The following RICTOR variants were observed in gnomAD, a reference collection of about 807,000 sequenced individuals.
RICTOR encodes rapamycin-insensitive companion of mTOR.
RICTOR carries 49 observed loss-of-function variants against 214.9 expected under a neutral mutation model. The observed-to-expected ratio is 0.23, with a 90% CI of 0.18 to 0.29. The LOEUF (loss-of-function observed/expected upper bound fraction) is 0.29, where lower values mean the gene tolerates loss of function less well. Ranked by LOEUF, RICTOR falls within the 10% of genes least tolerant of loss-of-function variation. The pLI, the probability that RICTOR is intolerant of heterozygous loss-of-function variation, is 1.00. For synonymous variants in RICTOR, 717 were observed against 711.3 expected, an observed-to-expected ratio of 1.01 and a Z score of -0.13; for missense variants, 1,625 against 2,047.0, an observed-to-expected ratio of 0.79 and a Z score of 3.98.
chr5:39,020,384 T>C (rs186035709), intron 3 of RICTOR, among the ~76,000 whole-genome samples: 1 of 152,300 alleles, frequency 6.6e-6, no homozygotes, highest in Non-Finnish European at 1.5e-5. Flanking sequence ...AAGAAATCGC[T>C]ACAGTCACCT....
At chr5:38,991,186 G>T in intron 6 of RICTOR, 111 bp from the exon 7 acceptor site, 1 of 545,452 alleles carries the variant, frequency 1.8e-6, no homozygotes, top group Non-Finnish European at 3.0e-6. Context: ...ATAAGATCTA[G>T]GTATCAATTT....
intron 5 of RICTOR, among the ~76,000 whole-genome samples, chr5:38,998,190 C>G (rs1753318553): frequency 6.6e-6 from 1 of 152,178 alleles, no homozygotes; most frequent in Non-Finnish European, 1.5e-5. Flanking sequence ...AACCAACATA[C>G]TAGAATAAAA....
At chr5:39,047,582 C>T (rs1032693504) in intron 2 of RICTOR, among the ~76,000 whole-genome samples, 1 of 152,142 alleles carries the variant, frequency 6.6e-6, no homozygotes, top group African/African-American at 2.4e-5. Flanking sequence ...TGTTTTTATA[C>T]AAAATTAGTG....
At chr5:39,056,269 T>A (rs1163604470) in intron 2 of RICTOR, among the ~76,000 whole-genome samples, 1 of 152,156 alleles carries the variant, frequency 6.6e-6, no homozygotes, top group Non-Finnish European at 1.5e-5. Context: ...ACTTGTCTCC[T>A]CACAAAACTT....
At chr5:38,947,519 C>A in intron 31 of RICTOR, 78 bp from the exon 32 acceptor site, 1 of 1,043,068 alleles carries the variant, frequency 9.6e-7, no homozygotes. Flanking sequence ...AACATATATT[C>A]CTACCTTCAT....
intron 16 of RICTOR, among the ~76,000 whole-genome samples, chr5:38,964,338 A>C (rs1750037906): frequency 6.6e-6 from 1 of 151,874 alleles, no homozygotes; most frequent in East Asian, 1.9e-4. Context: ...TATCTCCTTT[A>C]GTAGCAGGAG....
At chr5:39,045,904 C>T (rs1403210229) in intron 2 of RICTOR, among the ~76,000 whole-genome samples, 1 of 151,902 alleles carries the variant, frequency 6.6e-6, no homozygotes, top group Non-Finnish European at 1.5e-5. Flanking sequence ...TATGTTGTTA[C>T]CGTATTATTT....
rs1169014837 is a variant in RICTOR, at chr5:38,952,428, G to A, written c.2898-3C>T. On this transcript the variant is annotated splice_region_variant and splice_polypyrimidine_tract_variant and intron_variant, in intron 29 of 37. Transcript: ENST00000357387. ...GCCCAAGTACATATACACAGGTCCT[G>A]TATATAAAAGATGCAGTAAAAACAG... 1.3e-6 allele frequency: 2 copies of A among 1,564,594 alleles called. No individual in the cohort carries two copies. The highest frequency in any genetic ancestry group is 2.7e-5 in the African/African-American group (2 of 73,750).
rs1753217672 is a variant in RICTOR at position 38,996,885 on chromosome 5, A to G, written c.393-3T>C. ...TGCTCTGTTGTATGTCAATGCACCT[A>G]AACAATACACAAAATATTAATCATT... On this transcript the variant is annotated splice_region_variant and splice_polypyrimidine_tract_variant and intron_variant, in intron 5 of 37. Coordinates refer to ENST00000357387, the MANE Select transcript of RICTOR (RefSeq NM_152756.5). The G allele has an allele frequency of 6.3e-7, 1 of 1,596,418 alleles. No individual in the cohort carries two copies. The highest frequency in any genetic ancestry group is 8.6e-7 in the Non-Finnish European group (1 of 1,164,520).
chr5:39,062,893 G>C (rs1391808110), intron 2 of RICTOR, among the ~76,000 whole-genome samples: 1 of 151,994 alleles, frequency 6.6e-6, no homozygotes, highest in African/African-American at 2.4e-5. Flanking sequence ...GTCTGAATTT[G>C]GCAATGAAAC....
intron 30 of RICTOR, among the ~76,000 whole-genome samples, chr5:38,951,648 AAAGG>A (rs1413536747): frequency 1.3e-5 from 2 of 151,986 alleles, no homozygotes; most frequent in African/African-American, 4.8e-5. Context: ...TATCTTCTTA[AAAGG>A]AAGAACCATG....
intron 37 of RICTOR, 97 bp downstream of exon 37, chr5:38,942,736 A>G: frequency 3.1e-6 from 3 of 980,162 alleles, no homozygotes; most frequent in Non-Finnish European, 4.7e-6. Flanking sequence ...GATTGTAGGC[A>G]TGAGTCACCA....
chr5:39,032,787 T>C (rs1404870244), intron 2 of RICTOR, among the ~76,000 whole-genome samples: 1 of 152,188 alleles, frequency 6.6e-6, no homozygotes, highest in Non-Finnish European at 1.5e-5. Context: ...GAAGCACTTC[T>C]TGAGAGGCAA....
At chr5:39,022,912 C>T (rs1319234113) in intron 2 of RICTOR, among the ~76,000 whole-genome samples, 1 of 151,358 alleles carries the variant, frequency 6.6e-6, no homozygotes, top group Non-Finnish European at 1.5e-5. Flanking sequence ...GTCTTATTTG[C>T]AAAAAAAGAA....
chr5:39,011,427 C>T (rs1754510007), intron 3 of RICTOR, among the ~76,000 whole-genome samples: 1 of 152,170 alleles, frequency 6.6e-6, no homozygotes, highest in South Asian at 2.1e-4. Flanking sequence ...TTGGAGCCCC[C>T]ACACAAAGTC....
At chr5:38,990,654 T>TCA (rs1399356712) in intron 7 of RICTOR, among the ~76,000 whole-genome samples, 10 of 89,056 alleles carry the variant, frequency 1.1e-4, no homozygotes, top group East Asian at 5.7e-4. Flanking sequence ...ATCAGATATA[T>TCA]GATATATATC....
intron 3 of RICTOR, among the ~76,000 whole-genome samples, chr5:39,007,300 G>A (rs1385506608): frequency 6.6e-6 from 1 of 151,998 alleles, no homozygotes; most frequent in African/African-American, 2.4e-5. Flanking sequence ...CTCTCTCCTT[G>A]CCTTACATAT....
intron 3 of RICTOR, among the ~76,000 whole-genome samples, chr5:39,013,206 A>G (rs1178333512): frequency 3.3e-5 from 5 of 152,224 alleles, no homozygotes; most frequent in Admixed American, 6.5e-5. Context: ...AACTTTCAGT[A>G]TCTTAAGTCC....
intron 2 of RICTOR, among the ~76,000 whole-genome samples, chr5:39,033,380 C>T (rs1000728450): frequency 1.3e-5 from 2 of 152,038 alleles, no homozygotes; most frequent in East Asian, 1.9e-4. Flanking sequence ...TCTCCTGCTT[C>T]GGCCTCCTGA....
Sources: gnomAD v4.1 joint callset for allele counts (sites outside exome capture counted in the v4.1 genomes callset) on GRCh38, gnomAD v4.1.1 for gene constraint, MANE v1.5 for transcripts, NCBI Gene and HGNC (gene_info 2026-07-23, HGNC 2026-07-21) for gene names.